PCDH15: variants seen among roughly 807,000 people sequenced by gnomAD.
PCDH15 encodes protocadherin-15.
PCDH15 carries 129 observed loss-of-function variants against 178.5 expected under a neutral mutation model. The ratio of observed to expected loss-of-function variants is 0.72; its 90% CI spans 0.63 to 0.84. PCDH15 has a LOEUF of 0.84. Ranked by LOEUF, PCDH15 falls within the 40% of genes least tolerant of loss-of-function variation. The probability of loss-of-function intolerance (pLI) is 0.00; values close to 1 mark genes in which losing one functional copy is unlikely to be tolerated. For synonymous variants in PCDH15, 800 were observed against 732.0 expected, an observed-to-expected ratio of 1.09 and a Z score of -1.50; for missense variants, 2,230 against 2,099.9, an observed-to-expected ratio of 1.06 and a Z score of -1.21.
At chr10:54,909,639 C>T (rs1954786004) in intron 2 of PCDH15, among the ~76,000 whole-genome samples, 1 of 152,026 alleles carries the variant, frequency 6.6e-6, no homozygotes, top group Admixed American at 6.6e-5. Flanking sequence ...CCCATAGCTG[C>T]AGCTTGGGCA....
At chr10:55,252,140 T>G (rs1841853886) in intron 1 of PCDH15, among the ~76,000 whole-genome samples, 1 of 152,176 alleles carries the variant, frequency 6.6e-6, no homozygotes, top group South Asian at 2.1e-4. Flanking sequence ...TGATATTTGT[T>G]CCACCAAAAA....
chr10:54,791,772 C>T (rs1951438612), intron 1 of PCDH15, among the ~76,000 whole-genome samples: 1 of 151,820 alleles, frequency 6.6e-6, no homozygotes, highest in Admixed American at 6.6e-5. Context: ...CACTTCTGAC[C>T]ACCGCACTGC....
At chr10:54,038,075 T>C (rs2093460017) in intron 18 of PCDH15, among the ~76,000 whole-genome samples, 1 of 151,952 alleles carries the variant, frequency 6.6e-6, no homozygotes, top group South Asian at 2.1e-4. Context: ...AAAAAGAGGC[T>C]GTATTTGCTA....
chr10:54,462,497 TTTTC>T (rs1295365423), intron 3 of PCDH15, among the ~76,000 whole-genome samples: 26 of 60,064 alleles, frequency 4.3e-4, no homozygotes, highest in African/African-American at 2.4e-3. Context: ...TTTCTTTTCT[TTTTC>T]TTTTTCTTTT....
chr10:54,524,147 T>G (rs1284182697), intron 3 of PCDH15, among the ~76,000 whole-genome samples: 4 of 152,218 alleles, frequency 2.6e-5, no homozygotes, highest in Admixed American at 6.5e-5. Context: ...ACTTCTTCAT[T>G]GAGTCCATCA....
At chr10:54,599,583 G>A in intron 2 of PCDH15, 1 of 297,864 alleles carries the variant, frequency 3.4e-6, no homozygotes, top group Non-Finnish European at 6.3e-6. Flanking sequence ...ATACTATTCT[G>A]AACATAAGAT....
chr10:54,105,303 TATATATATATATATAC>T (rs1194522395), intron 15 of PCDH15, among the ~76,000 whole-genome samples: 4,684 of 101,924 alleles, frequency 0.046, 309 homozygotes, highest in African/African-American at 0.17. Context: ...TATATATATA[TATATATATATATATAC>T]ACACACACAT....
At chr10:54,795,534 A>T (rs12768503) in intron 1 of PCDH15, among the ~76,000 whole-genome samples, 1 of 152,042 alleles carries the variant, frequency 6.6e-6, no homozygotes, top group South Asian at 2.1e-4. Flanking sequence ...TACTCTATGG[A>T]AACTAATATT....
intron 3 of PCDH15, among the ~76,000 whole-genome samples, chr10:54,447,301 G>T (rs2076201950): frequency 6.6e-6 from 1 of 151,608 alleles, no homozygotes; most frequent in South Asian, 2.1e-4. Flanking sequence ...GTTATTCACT[G>T]TAGTCACCAT....
chr10:54,458,218 T>C (rs1335417593), intron 3 of PCDH15, among the ~76,000 whole-genome samples: 1 of 152,140 alleles, frequency 6.6e-6, no homozygotes. Flanking sequence ...CAATCAATGT[T>C]GGGCATGAAG....
chr10:54,740,057 TC>T (rs1944588899), intron 1 of PCDH15, among the ~76,000 whole-genome samples: 2 of 151,908 alleles, frequency 1.3e-5, no homozygotes, highest in Admixed American at 6.6e-5. Context: ...TAAAAATACT[TC>T]TACACAGCAA....
intron 10 of PCDH15, among the ~76,000 whole-genome samples, chr10:54,201,246 A>G (rs540673338): frequency 6.6e-6 from 1 of 152,314 alleles, no homozygotes; most frequent in East Asian, 1.9e-4. Flanking sequence ...GCCAAGAAAT[A>G]TTCTATGTTA....
intron 2 of PCDH15, among the ~76,000 whole-genome samples, chr10:55,046,406 T>C (rs1358531870): frequency 1.3e-5 from 2 of 152,186 alleles, no homozygotes; most frequent in African/African-American, 2.4e-5. Flanking sequence ...AAAATCTCTT[T>C]TAACTGGCCT....
chr10:55,366,362 T>C (rs1845361461), intron 2 of PCDH15: 1 of 152,136 alleles, frequency 6.6e-6, no homozygotes, highest in African/African-American at 2.4e-5. Context: ...TATTTATTTG[T>C]AGAAAATTAT....
In PCDH15 at chr10:54,046,105, T is replaced by C. The variant is rs76771630; in HGVS notation, c.2220+20652A>G. The stretch of plus-strand genomic sequence containing the variant: ...ATATATGAAAAGATTCTCAATGCCA[T>C]TAGCAAAATGCTAATCACGATCATA... On this transcript the variant is annotated intron_variant, in intron 18 of 37. Transcript: ENST00000644397. 1.5e-3 allele frequency among the ~76,000 whole-genome samples: 233 copies of C among 152,286 alleles called. 7 individuals carry two copies. The East Asian group carries it at 0.038, about 25-fold the overall frequency.
chr10:53,809,241 G>A (rs1299501590), intron 37 of PCDH15: 2 of 1,613,718 alleles, frequency 1.2e-6, no homozygotes, highest in East Asian at 2.2e-5. Context: ...TATAGTCGCT[G>A]GAGGATTCCT....
At chr10:54,849,907 A>G (rs1222944052) in intron 3 of PCDH15, among the ~76,000 whole-genome samples, 1 of 152,174 alleles carries the variant, frequency 6.6e-6, no homozygotes, top group Non-Finnish European at 1.5e-5. Context: ...ATTCATAATT[A>G]GGATTCTATG....
intron 15 of PCDH15, among the ~76,000 whole-genome samples, chr10:54,122,930 T>C (rs1590626540): frequency 6.6e-6 from 1 of 151,392 alleles, no homozygotes; most frequent in Non-Finnish European, 1.5e-5. Context: ...AAGGACTCCC[T>C]ATTCAATAAA....
intron 18 of PCDH15, among the ~76,000 whole-genome samples, chr10:54,066,082 T>C (rs1299652617): frequency 6.6e-6 from 1 of 152,188 alleles, no homozygotes; most frequent in Non-Finnish European, 1.5e-5. Flanking sequence ...AAACACCTCA[T>C]CTGAGGTTGA....
Sources: allele counts gnomAD v4.1 joint callset (sites outside exome capture counted in the v4.1 genomes callset), GRCh38; gene constraint gnomAD v4.1.1; transcripts MANE v1.5; gene names NCBI Gene and HGNC (gene_info 2026-07-23, HGNC 2026-07-21).